The following GRIK1 variants were observed in gnomAD, a reference collection of about 807,000 sequenced individuals.
The protein encoded by GRIK1 is glutamate receptor ionotropic, kainate 1.
A neutral mutation model predicts 105.7 loss-of-function variants in GRIK1; 69 were observed. That is an observed-to-expected ratio of 0.65 (90% confidence interval 0.54 to 0.80). The LOEUF is 0.80. Among genes scored for constraint, GRIK1 ranks in the 30% least tolerant of loss-of-function variants. GRIK1 has a pLI of 0.00. For missense variants in GRIK1, 1,109 were observed against 1,167.3 expected, an observed-to-expected ratio of 0.95 and a Z score of 0.73; for synonymous variants, 438 against 431.3, an observed-to-expected ratio of 1.02 and a Z score of -0.19.
At chr21:29,537,655 G>T in intron 17 of GRIK1, 143 bp downstream of exon 17, 4 of 738,442 alleles carry the variant, frequency 5.4e-6, no homozygotes, top group South Asian at 1.5e-5. Context: ...CAAACTCAGG[G>T]CTCTCAAAAT....
intron 7 of GRIK1, among the ~76,000 whole-genome samples, chr21:29,619,682 T>G (rs1005945066): frequency 2.6e-5 from 4 of 152,156 alleles, no homozygotes; most frequent in Non-Finnish European, 5.9e-5. Context: ...AAGGAAAAAC[T>G]CATATTCAAT....
chr21:29,557,007 T>C lies in GRIK1; in HGVS notation c.2357-1705A>G, dbSNP rs141166391. On this transcript the variant is annotated intron_variant, in intron 15 of 17. Coordinates refer to ENST00000327783, the MANE Select transcript of GRIK1 (RefSeq NM_001330994.2). ...GGAAAATTTGCAAGGACTTTATTAA[T>C]ATTATTTATTCTCTATCTCCTAGTA... Among the ~76,000 whole-genome samples, 269 of 152,324 alleles carry C rather than the reference T, an allele frequency of 1.8e-3. 1 individual carries two copies. The highest frequency in any genetic ancestry group is 6.1e-3 in the African/African-American group (254 of 41,584).
intron 1 of GRIK1, among the ~76,000 whole-genome samples, chr21:29,870,015 A>C (rs542736436): frequency 1.2e-4 from 15 of 120,356 alleles, no homozygotes; most frequent in Admixed American, 9.4e-4. Flanking sequence ...TTTCAGATAA[A>C]TAATGAATAA....
chr21:29,894,326 T>C (rs2070026273), intron 1 of GRIK1, among the ~76,000 whole-genome samples: 1 of 152,104 alleles, frequency 6.6e-6, no homozygotes, highest in Non-Finnish European at 1.5e-5. Context: ...GCCTTCAATC[T>C]GTAGTCAAAG....
chr21:29,674,924 A>G (rs528302825), intron 3 of GRIK1, among the ~76,000 whole-genome samples: 1 of 152,304 alleles, frequency 6.6e-6, no homozygotes, highest in South Asian at 2.1e-4. Context: ...AAATCAGTCA[A>G]CTGAAGTCCC....
At chr21:29,855,242 A>C (rs933742204) in intron 1 of GRIK1, among the ~76,000 whole-genome samples, 3 of 152,208 alleles carry the variant, frequency 2.0e-5, no homozygotes, top group African/African-American at 7.2e-5. Flanking sequence ...TTTATTACGG[A>C]GTGAAAGAGA....
At chr21:29,837,516 TAGG>T (rs1386176649) in intron 1 of GRIK1, among the ~76,000 whole-genome samples, 2 of 152,024 alleles carry the variant, frequency 1.3e-5, no homozygotes, top group Non-Finnish European at 1.5e-5. Flanking sequence ...AACTGAAGAA[TAGG>T]AGGACTAGGC....
At chr21:29,605,287 A>G (rs1362491893) in intron 7 of GRIK1, among the ~76,000 whole-genome samples, 1 of 151,722 alleles carries the variant, frequency 6.6e-6, no homozygotes, top group Non-Finnish European at 1.5e-5. Context: ...TCATCATTCA[A>G]CTCCCACTTA....
intron 9 of GRIK1, among the ~76,000 whole-genome samples, chr21:29,595,344 T>TG (rs898903806): frequency 2.6e-5 from 4 of 151,600 alleles, no homozygotes; most frequent in African/African-American, 7.3e-5. Flanking sequence ...TAATAGGTTT[T>TG]TTTTTTTTTT....
At chr21:29,710,544 A>G (rs2064019287) in intron 1 of GRIK1, among the ~76,000 whole-genome samples, 2 of 152,126 alleles carry the variant, frequency 1.3e-5, no homozygotes, top group Non-Finnish European at 2.9e-5. Context: ...GATATTTTTG[A>G]GTAGATGTCA....
chr21:29,802,535 C>T (rs1276049658), intron 1 of GRIK1, among the ~76,000 whole-genome samples: 1 of 152,108 alleles, frequency 6.6e-6, no homozygotes, highest in East Asian at 1.9e-4. Flanking sequence ...ATCTTTTTGT[C>T]TGGATCTCAT....
At chr21:29,742,269 G>A (rs2064948662) in intron 1 of GRIK1, among the ~76,000 whole-genome samples, 1 of 151,460 alleles carries the variant, frequency 6.6e-6, no homozygotes, top group African/African-American at 2.4e-5. Flanking sequence ...AACTCAAACT[G>A]AGTGTCTTTA....
intron 1 of GRIK1, among the ~76,000 whole-genome samples, chr21:29,857,865 A>C (rs1402764709): frequency 2.0e-5 from 3 of 151,842 alleles, no homozygotes; most frequent in South Asian, 2.1e-4. Flanking sequence ...AAATTTCATC[A>C]CCCCCTAGTC....
intron 16 of GRIK1, among the ~76,000 whole-genome samples, chr21:29,550,423 T>G (rs1480615390): frequency 6.6e-6 from 1 of 152,210 alleles, no homozygotes; most frequent in African/African-American, 2.4e-5. Context: ...AATGATTTAT[T>G]GAGTTCTAAT....
At chr21:29,647,107 G>T (rs1298276522) in intron 6 of GRIK1, among the ~76,000 whole-genome samples, 1 of 152,188 alleles carries the variant, frequency 6.6e-6, no homozygotes, top group Non-Finnish European at 1.5e-5. Flanking sequence ...GCTTCCCAAA[G>T]TGTTGGGATT....
chr21:29,577,302 G>T, intron 13 of GRIK1, 121 bp from the exon 14 acceptor site: 1 of 581,186 alleles, frequency 1.7e-6, no homozygotes, highest in Non-Finnish European at 3.1e-6. Flanking sequence ...GTAGGTAGAT[G>T]AAATAAATGC....
chr21:29,629,256 A>G (rs1015730413), intron 7 of GRIK1, among the ~76,000 whole-genome samples: 1 of 150,556 alleles, frequency 6.6e-6, no homozygotes, highest in Non-Finnish European at 1.5e-5. Flanking sequence ...AGCTTTCTGG[A>G]AAATGTGATG....
At chr21:29,671,621 A>C (rs1211191895) in intron 4 of GRIK1, among the ~76,000 whole-genome samples, 3 of 152,146 alleles carry the variant, frequency 2.0e-5, no homozygotes, top group Admixed American at 6.6e-5. Context: ...ACAGTTCTGC[A>C]TTCCTGCGAA....
At chr21:29,744,095 T>C (rs2064993725) in intron 1 of GRIK1, among the ~76,000 whole-genome samples, 1 of 152,188 alleles carries the variant, frequency 6.6e-6, no homozygotes, top group Non-Finnish European at 1.5e-5. Context: ...GTTAAAAAAA[T>C]AGAAATTCGT....
Sources: allele counts gnomAD v4.1 joint callset (sites outside exome capture counted in the v4.1 genomes callset), GRCh38; gene constraint gnomAD v4.1.1; transcripts MANE v1.5; gene names NCBI Gene and HGNC (gene_info 2026-07-23, HGNC 2026-07-21).